Variants in AK8 observed in about 807,000 individuals in gnomAD.
The protein encoded by AK8 is adenylate kinase 8, also known as ATP-AMP transphosphorylase 8.
A neutral mutation model predicts 54.6 loss-of-function variants in AK8; 44 were observed. That is an observed-to-expected ratio of 0.81 (90% CI 0.63 to 1.04). AK8 has a LOEUF of 1.04. Among genes scored for constraint, AK8 ranks in the 50% least tolerant of loss-of-function variants. The pLI is 0.00. For synonymous variants in AK8, 239 were observed against 245.6 expected (o/e 0.97, Z 0.25); for missense variants, 555 against 613.6 (o/e 0.90, Z 1.01).
At chr9:132,730,441 T>TG (rs1366899359) in intron 11 of AK8, among the ~76,000 whole-genome samples, 1 of 151,054 alleles carries the variant, frequency 6.6e-6, no homozygotes, top group Non-Finnish European at 1.5e-5. Context: ...TGCCTGTTTT[T>TG]TTTTTTTTTT....
chr9:132,727,666 C>G (rs1836639071), intron 11 of AK8, 132 bp from the exon 12 acceptor site: 1 of 800,818 alleles, frequency 1.2e-6, no homozygotes, highest in Admixed American at 2.3e-5. Context: ...AGCCAGCAAG[C>G]AATGTGCCTG....
At chr9:132,875,254 A>G (rs1844042598) in intron 1 of AK8, 55 bp from the exon 2 acceptor site, 3 of 1,600,684 alleles carry the variant, frequency 1.9e-6, no homozygotes, top group Non-Finnish European at 2.6e-6. Context: ...GCACCTGGTC[A>G]CCACAGATAC....
intron 10 of AK8, among the ~76,000 whole-genome samples, chr9:132,798,049 A>T (rs965458853): frequency 6.6e-6 from 1 of 152,198 alleles, no homozygotes; most frequent in Non-Finnish European, 1.5e-5. Flanking sequence ...AAGGAACTGC[A>T]CTGGTCCTCT....
At chr9:132,743,036 C>T (rs568613458) in intron 11 of AK8, among the ~76,000 whole-genome samples, 1 of 152,366 alleles carries the variant, frequency 6.6e-6, no homozygotes, top group African/African-American at 2.4e-5. Flanking sequence ...GGCCTGGCCT[C>T]CCACTGCTCA....
At chr9:132,878,391 GT>G, upstream of AK8, 1 of 1,244,068 alleles carries the variant, frequency 8.0e-7, no homozygotes, top group African/African-American at 1.6e-5. The surrounding 1 kb of genome is among the most constrained non-coding windows in gnomAD (Gnocchi z 4.7). Flanking sequence ...GGTCGCGCGG[GT>G]CGCCCCCGCC....
chr9:132,755,342 G>T (rs1295028719), intron 11 of AK8, among the ~76,000 whole-genome samples: 1 of 152,216 alleles, frequency 6.6e-6, no homozygotes, highest in Non-Finnish European at 1.5e-5. Context: ...CACGCTGGGA[G>T]AGAGTGCTGC....
intron 11 of AK8, among the ~76,000 whole-genome samples, chr9:132,789,305 T>A (rs1839847714): frequency 1.4e-5 from 2 of 144,538 alleles, no homozygotes; most frequent in African/African-American, 5.2e-5. Context: ...AAAAAAAAGA[T>A]AATCAAATTT....
intron 11 of AK8, among the ~76,000 whole-genome samples, chr9:132,785,695 A>G (rs1003259357): frequency 4.7e-4 from 51 of 108,584 alleles, no homozygotes; most frequent in African/African-American, 1.3e-3. Context: ...AAGTCATTTC[A>G]GATTGAAGAA....
chr9:132,766,465 A>T (rs746018277), intron 11 of AK8, among the ~76,000 whole-genome samples: 2 of 152,218 alleles, frequency 1.3e-5, no homozygotes, highest in Non-Finnish European at 2.9e-5. Flanking sequence ...AAGGAAAGCT[A>T]TAAAACACTG....
chr9:132,838,192 C>A (rs1256021281), intron 5 of AK8, among the ~76,000 whole-genome samples: 1 of 152,164 alleles, frequency 6.6e-6, no homozygotes, highest in African/African-American at 2.4e-5. Flanking sequence ...ACTGTTTCCA[C>A]TATAAAATAC....
In AK8 at chr9:132,826,931, A is replaced by G; in HGVS notation, c.680T>C (p.Val227Ala). The G allele has an allele frequency of 6.2e-7, 1 of 1,614,144 alleles. No homozygotes were observed. The highest frequency in any genetic ancestry group is 8.5e-7 in the Non-Finnish European group (1 of 1,180,026). Residue 227 changes from valine (V) to alanine (A), a missense_variant, in exon 8 of 13, where the codon GTC becomes GCC. Val to Ala is a moderately conservative substitution (Grantham distance 64). Coordinates refer to ENST00000298545, the MANE Select transcript of AK8 (RefSeq NM_152572.3). This position sits in a 1 kb window ranked among gnomAD's most constrained non-coding sequence, Gnocchi z 4.5. ...QKLLEYHRNIVRVIPSYPKIL... is the reference protein window; with the variant it reads ...QKLLEYHRNIARVIPSYPKIL... Reference sequence around the variant, plus strand: ...TTTGGGGTAGGAGGGAATGACCCTGACGATGTTCCTATGATACTCCAGCAG... The same window carrying G: ...TTTGGGGTAGGAGGGAATGACCCTGGCGATGTTCCTATGATACTCCAGCAG...
intron 11 of AK8, among the ~76,000 whole-genome samples, chr9:132,776,181 C>T (rs1450570637): frequency 1.3e-5 from 2 of 152,206 alleles, no homozygotes; most frequent in Non-Finnish European, 2.9e-5. Context: ...AGTTTATTTA[C>T]TGAGAGATTA....
intron 2 of AK8, among the ~76,000 whole-genome samples, chr9:132,869,005 C>A (rs1217026525): frequency 6.6e-6 from 1 of 152,042 alleles, no homozygotes; most frequent in Non-Finnish European, 1.5e-5. Context: ...ATGGTGAAAC[C>A]CCATCTCTAC....
intron 11 of AK8, among the ~76,000 whole-genome samples, chr9:132,785,510 C>G (rs540410635): frequency 6.6e-6 from 1 of 152,314 alleles, no homozygotes; most frequent in African/African-American, 2.4e-5. Context: ...GAACTATAAA[C>G]AGATTATCTT....
At chr9:132,732,595 G>A (rs1171710000) in intron 11 of AK8, among the ~76,000 whole-genome samples, 1 of 152,060 alleles carries the variant, frequency 6.6e-6, no homozygotes, top group Non-Finnish European at 1.5e-5. Flanking sequence ...AGAGAAATGA[G>A]CCTCATTTCT....
chr9:132,823,168 TCTCGAAGCTGGGCAGCCCAGCAC>T lies in AK8; in HGVS notation c.889+14_889+36del, dbSNP rs1460955714. The T allele has an allele frequency of 6.6e-7, 1 of 1,504,574 alleles. No individual in the cohort carries two copies. Among genetic ancestry groups the T allele is most frequent in the Non-Finnish European group, 8.8e-7 (1 of 1,130,962 alleles). 93.2% of individuals were successfully genotyped at this position (1,504,574 alleles called of 1,614,324 possible). On this transcript the variant is annotated intron_variant, in intron 9 of 12. Coordinates refer to ENST00000298545, the MANE Select transcript of AK8 (RefSeq NM_152572.3). ...GGAGGGGCAGGAGGCAGGGAAAGGC[TCTCGAAGCTGGGCAGCCCAGCAC>T]CTGGGGCACTCACCATTGACAAGCC...
chr9:132,737,269 T>C (rs1388277521), intron 11 of AK8, among the ~76,000 whole-genome samples: 2 of 152,218 alleles, frequency 1.3e-5, no homozygotes, highest in African/African-American at 4.8e-5. Flanking sequence ...TACATGCATG[T>C]ATACATATAA....
intron 11 of AK8, among the ~76,000 whole-genome samples, chr9:132,785,245 A>G (rs1237206352): frequency 1.3e-5 from 2 of 151,960 alleles, no homozygotes; most frequent in East Asian, 3.9e-4. Flanking sequence ...CTGGGACTAC[A>G]GGCGCCCACC....
intron 9 of AK8, among the ~76,000 whole-genome samples, chr9:132,821,472 A>C (rs1375473965): frequency 6.6e-6 from 1 of 152,178 alleles, no homozygotes; most frequent in Non-Finnish European, 1.5e-5. Flanking sequence ...CGGACTCAGG[A>C]ACATTTTTTA....
Sources: allele counts gnomAD v4.1 joint callset (sites outside exome capture counted in the v4.1 genomes callset), GRCh38; gene constraint gnomAD v4.1.1; non-coding constraint Gnocchi (gnomAD v3.1); transcripts MANE v1.5; gene names NCBI Gene and HGNC (gene_info 2026-07-23, HGNC 2026-07-21).